The following ABCD2 variants were observed in gnomAD, a reference collection of about 807,000 sequenced individuals.
ABCD2 encodes ATP-binding cassette sub-family D member 2.
Under a neutral mutation model 70.9 loss-of-function variants are expected in ABCD2, and 36 were observed. The observed-to-expected ratio is 0.51, with a 90% CI of 0.39 to 0.67. ABCD2 has a LOEUF of 0.67. Among genes scored for constraint, ABCD2 ranks in the 30% least tolerant of loss-of-function variants. ABCD2 has a pLI of 0.00. For missense variants in ABCD2, 729 were observed against 890.2 expected (o/e 0.82, Z 2.30); for synonymous variants, 304 against 306.9 (o/e 0.99, Z 0.10).
chr12:39,590,006 G>A (rs888299188), intron 6 of ABCD2, among the ~76,000 whole-genome samples: 2 of 152,104 alleles, frequency 1.3e-5, no homozygotes, highest in African/African-American at 4.8e-5. Flanking sequence ...TCTCTGGAAA[G>A]ACTGTGTCAA....
chr12:39,572,848 G>T (rs1051073603), intron 9 of ABCD2, among the ~76,000 whole-genome samples: 1 of 152,128 alleles, frequency 6.6e-6, no homozygotes, highest in Non-Finnish European at 1.5e-5. Flanking sequence ...AGCATATATA[G>T]AGACAGTTAT....
chr12:39,541,531 C>G, the ABCD2 span, among the ~76,000 whole-genome samples: 1 of 152,102 alleles, frequency 6.6e-6, no homozygotes, highest in Non-Finnish European at 1.5e-5. Flanking sequence ...TATGTAGGGG[C>G]TTATGGACAA....
At chr12:39,603,171 T>C (rs1247179893) in intron 5 of ABCD2, among the ~76,000 whole-genome samples, 2 of 152,164 alleles carry the variant, frequency 1.3e-5, no homozygotes, top group Admixed American at 1.3e-4. Context: ...CTAAAATCAT[T>C]AATTAGCATA....
In ABCD2 at chr12:39,573,746, A is replaced by G; in HGVS notation, c.1973T>C (p.Leu658Ser). ...FQAAKGAGISLLSITHRPSLW... is the reference protein window; with the variant it reads ...FQAAKGAGISSLSITHRPSLW... The stretch of plus-strand genomic sequence containing the variant: ...AGAAGGTCTGTGTGTTATAGACAGT[A>G]AGGAAATTCCAGCCCCTTTTGCAGC... The change falls in exon 9 of 10, where the codon TTA (leucine) becomes TCA (serine). Residue 658 changes from leucine (L) to serine (S), a missense_variant. Physicochemically the swap from Leu to Ser is moderately radical, Grantham distance 145. Coordinates refer to ENST00000308666, the MANE Select transcript of ABCD2 (RefSeq NM_005164.4). The G allele has an allele frequency of 1.9e-6, 3 of 1,613,384 alleles. No individual in the cohort carries two copies. The highest frequency in any genetic ancestry group is 1.7e-6 in the Non-Finnish European group (2 of 1,179,444).
intron 6 of ABCD2, among the ~76,000 whole-genome samples, chr12:39,600,227 C>T (rs531600386): frequency 5.3e-4 from 80 of 152,162 alleles, no homozygotes; most frequent in Middle Eastern, 3.4e-3. Context: ...GTATACTTAT[C>T]CGGGTGTTAT....
chr12:39,594,524 A>T (rs1368056827), intron 6 of ABCD2, among the ~76,000 whole-genome samples: 5 of 152,224 alleles, frequency 3.3e-5, no homozygotes, highest in African/African-American at 1.2e-4. Flanking sequence ...ATAATTTTTT[A>T]AAACACACAC....
At chr12:39,605,783 A>T (rs567697246) in intron 3 of ABCD2, among the ~76,000 whole-genome samples, 2 of 152,280 alleles carry the variant, frequency 1.3e-5, no homozygotes, top group African/African-American at 4.8e-5. Flanking sequence ...AATACACAAG[A>T]ATAAGCAAGG....
chr12:39,558,898 G>T (rs531329557), intron 9 of ABCD2, among the ~76,000 whole-genome samples: 1 of 152,212 alleles, frequency 6.6e-6, no homozygotes, highest in African/African-American at 2.4e-5. Flanking sequence ...AGCCAGAAAT[G>T]CTGGAGCTGA....
At position 39,560,471 on chromosome 12, in the gene ABCD2, A is replaced by G. The variant is rs12302226; in HGVS notation, c.2004-6340T>C. Among the ~76,000 whole-genome samples, 590 of 152,296 alleles carry G rather than the reference A, an allele frequency of 3.9e-3. 4 individuals are homozygous for G. Among genetic ancestry groups the G allele is most frequent in the African/African-American group, 0.014 (569 of 41,556 alleles). On this transcript the variant is annotated intron_variant, in intron 9 of 9. Transcript: ENST00000308666. ...TTGGTAAATCACTTATTTCTTTAGT[A>G]TGAAGACAAAAAGACAAAACTATTA...
intron 2 of ABCD2, among the ~76,000 whole-genome samples, chr12:39,612,927 A>G (rs1485508838): frequency 2.6e-5 from 4 of 152,146 alleles, no homozygotes; most frequent in Non-Finnish European, 4.4e-5. Flanking sequence ...GATCACAAAC[A>G]TGTTGACATT....
At chr12:39,599,265 T>C (rs1455812848) in intron 6 of ABCD2, among the ~76,000 whole-genome samples, 5 of 152,212 alleles carry the variant, frequency 3.3e-5, no homozygotes, top group South Asian at 2.1e-4. Context: ...AAATATAAAA[T>C]GTATTTATGT....
At chr12:39,560,180 G>T (rs1267533373) in intron 9 of ABCD2, among the ~76,000 whole-genome samples, 1 of 152,028 alleles carries the variant, frequency 6.6e-6, no homozygotes, top group Admixed American at 6.6e-5. Context: ...CCCACAACAG[G>T]CCCCGGTGTG....
At chr12:39,544,771 G>A in the ABCD2 span, among the ~76,000 whole-genome samples, 2 of 152,182 alleles carry the variant, frequency 1.3e-5, no homozygotes, top group African/African-American at 2.4e-5. Context: ...CCCAGGGTGA[G>A]AAGAGTGGAA....
the ABCD2 span, among the ~76,000 whole-genome samples, chr12:39,543,396 C>T: frequency 6.6e-6 from 1 of 152,124 alleles, no homozygotes; most frequent in East Asian, 1.9e-4. Flanking sequence ...ATCTCTCTTT[C>T]ATTTCCTTAT....
chr12:39,567,593 A>C (rs1005710014), intron 9 of ABCD2, among the ~76,000 whole-genome samples: 23 of 152,090 alleles, frequency 1.5e-4, no homozygotes, highest in Middle Eastern at 3.4e-3. Flanking sequence ...CAATTTGCCA[A>C]TTTGTGTCTT....
chr12:39,562,607 C>T lies in ABCD2; in HGVS notation c.2004-8476G>A, dbSNP rs78830538. ...AGAAGAAACGAATAAATTTTGAACACATACAACCTACAAAGATTGAACTAT... is the reference window on the plus strand; with the variant it reads ...AGAAGAAACGAATAAATTTTGAACATATACAACCTACAAAGATTGAACTAT... On this transcript the variant is annotated intron_variant, in intron 9 of 9. Transcript: ENST00000308666. Among the ~76,000 whole-genome samples the T allele has an allele frequency of 2.4e-3, 372 of 152,106 alleles. 2 individuals are homozygous for T. The highest frequency in any genetic ancestry group is 8.5e-3 in the African/African-American group (352 of 41,528).
At chr12:39,586,931 A>C (rs926105049) in intron 6 of ABCD2, among the ~76,000 whole-genome samples, 1 of 152,188 alleles carries the variant, frequency 6.6e-6, no homozygotes, top group Non-Finnish European at 1.5e-5. Flanking sequence ...ACAACTTGGT[A>C]ACTCACTCCA....
chr12:39,607,500 GAT>G, intron 3 of ABCD2, 97 bp downstream of exon 3: 12 of 987,618 alleles, frequency 1.2e-5, no homozygotes, highest in Non-Finnish European at 1.5e-5. Context: ...GCAGAGAAAA[GAT>G]ATGTTTCCAA....
rs1201441745 is a variant in ABCD2, at chr12:39,573,629, C to T, written c.2003+87G>A. On this transcript the variant is annotated intron_variant, in intron 9 of 9. Coordinates refer to ENST00000308666, the MANE Select transcript of ABCD2 (RefSeq NM_005164.4). The stretch of plus-strand genomic sequence containing the variant: ...GTAGAAAATAAGTGAAATACCCTAC[C>T]CTCTACTGTGAAAAATTTAGCAAAG... 3 of 1,469,714 alleles carry T rather than the reference C, an allele frequency of 2.0e-6. No homozygotes were observed. In the African/African-American group the frequency reaches 4.2e-5, roughly 21 times the overall value. The allele number at this position is 1,469,714 out of a possible 1,614,324, so 91.0% of individuals were successfully genotyped here.
Sources: gnomAD v4.1 joint callset for allele counts (sites outside exome capture counted in the v4.1 genomes callset) on GRCh38, gnomAD v4.1.1 for gene constraint, MANE v1.5 for transcripts, NCBI Gene and HGNC (gene_info 2026-07-23, HGNC 2026-07-21) for gene names.